Variants in NUP160 observed in about 807,000 individuals in gnomAD.
NUP160 encodes the protein nucleoporin 160.
NUP160 carries 94 observed loss-of-function variants against 196.9 expected under a neutral mutation model. The ratio of observed to expected loss-of-function variants is 0.48; its 90% confidence interval spans 0.40 to 0.57. The LOEUF (loss-of-function observed/expected upper bound fraction) is 0.57, where lower values mean the gene tolerates loss of function less well. Ranked by LOEUF, NUP160 falls within the 20% of genes least tolerant of loss-of-function variation. The pLI is 0.00. For missense variants in NUP160, 1,638 were observed against 1,748.3 expected (o/e 0.94, Z 1.13); for synonymous variants, 605 against 619.7 (o/e 0.98, Z 0.35).
At chr11:47,843,862 T>A (rs1039494841) in intron 2 of NUP160, among the ~76,000 whole-genome samples, 2 of 152,214 alleles carry the variant, frequency 1.3e-5, no homozygotes, top group African/African-American at 4.8e-5. Context: ...TTAGCCCAAC[T>A]TCTCCACTCA....
At position 47,837,018 on chromosome 11, in the gene NUP160, A is replaced by G; in HGVS notation, c.828-17T>C. On this transcript the variant is annotated splice_polypyrimidine_tract_variant and intron_variant, in intron 5 of 35. Coordinates refer to ENST00000378460, the Ensembl canonical transcript of NUP160. The stretch of plus-strand genomic sequence containing the variant: ...TGGTCACCCCTAAAACATAAGACCC[A>G]GTTTTAGAGTTTTACTGCTGCAAAG... 2 of 1,392,866 alleles carry G rather than the reference A, an allele frequency of 1.4e-6. No individual in the cohort carries two copies. Among genetic ancestry groups the G allele is most frequent in the Non-Finnish European group, 2.0e-6 (2 of 987,178 alleles). The allele number at this position is 1,392,866 out of a possible 1,614,324, so 86.3% of individuals were successfully genotyped here. A position where few individuals can be genotyped will look rare whatever the true frequency, so the allele number is the denominator to read the frequency against.
intron 19 of NUP160, 82 bp from the exon 20 acceptor site, chr11:47,806,394 G>T: frequency 1.8e-6 from 2 of 1,122,956 alleles, no homozygotes; most frequent in Non-Finnish European, 1.3e-6. Flanking sequence ...TTCATTTTAT[G>T]CTTGTAACAA....
intron 23 of NUP160, among the ~76,000 whole-genome samples, chr11:47,800,052 G>A (rs374870919): frequency 7.2e-5 from 11 of 151,850 alleles, no homozygotes; most frequent in Non-Finnish European, 2.9e-5. Flanking sequence ...CCAGGAGTTC[G>A]AGACCAGCCT....
intron 7 of NUP160, 138 bp downstream of exon 7, chr11:47,835,513 T>C: frequency 1.9e-6 from 1 of 538,738 alleles, no homozygotes; most frequent in Non-Finnish European, 3.1e-6. Context: ...ATTCACATAG[T>C]AGCACGAAAC....
At chr11:47,794,055 T>C (rs1038168889) in intron 27 of NUP160, among the ~76,000 whole-genome samples, 2 of 152,038 alleles carry the variant, frequency 1.3e-5, no homozygotes, top group African/African-American at 4.8e-5. Flanking sequence ...GGTGGTAAAA[T>C]GGTGGTTGCC....
Position 47,793,383 on chromosome 11 carries a change from C to G in NUP160, c.3290-437G>C, listed in dbSNP as rs998430643. On this transcript the variant is annotated intron_variant, in intron 27 of 35. Coordinates refer to ENST00000378460, the Ensembl canonical transcript of NUP160. Reference sequence around the variant, plus strand: ...ATTGGGTTTGATGTAACCCCTGCCCCCCCTCCCCAAAATCACATGTTGGTG... The same window carrying G: ...ATTGGGTTTGATGTAACCCCTGCCCGCCCTCCCCAAAATCACATGTTGGTG... Among the ~76,000 whole-genome samples, 3 of 152,040 alleles carry G rather than the reference C, an allele frequency of 2.0e-5. 1 individual carries two copies. The highest frequency in any genetic ancestry group is 2.0e-4 in the Admixed American group (3 of 15,254).
At chr11:47,821,863 AAAGTAG>A (rs774964651) in intron 8 of NUP160, 42 bp from the exon 9 acceptor site, 1 of 1,472,452 alleles carries the variant, frequency 6.8e-7, no homozygotes, top group East Asian at 2.3e-5. Context: ...AATAAGAAAG[AAAGTAG>A]TAGTTCACGG....
chr11:47,847,856 G>C (rs763918505), exon 2 of NUP160: 1 of 1,610,800 alleles, frequency 6.2e-7, no homozygotes, highest in South Asian at 1.1e-5. Context: ...ACCAATGAAT[G>C]AACCTGTTTC....
At chr11:47,827,103 A>T in intron 7 of NUP160, 1 of 456,222 alleles carries the variant, frequency 2.2e-6, no homozygotes, top group Non-Finnish European at 4.4e-6. Flanking sequence ...GCTGTGGTTC[A>T]CACTTGTAAT....
chr11:47,800,888 C>T (rs2135361749), intron 23 of NUP160, among the ~76,000 whole-genome samples: 1 of 152,178 alleles, frequency 6.6e-6, no homozygotes, highest in South Asian at 2.1e-4. Context: ...AATAAAAAAG[C>T]TTTTCTGCAC....
intron 17 of NUP160, among the ~76,000 whole-genome samples, chr11:47,809,242 G>A (rs1599323304): frequency 8.4e-6 from 1 of 119,478 alleles, no homozygotes; most frequent in Non-Finnish European, 1.7e-5. Flanking sequence ...CACAACAGAA[G>A]TGAGAACTTG....
chr11:47,814,545 A>G (rs2135377850), intron 13 of NUP160, among the ~76,000 whole-genome samples: 1 of 152,172 alleles, frequency 6.6e-6, no homozygotes, highest in Admixed American at 6.5e-5. Flanking sequence ...TCTCAAAAAA[A>G]AAAAAAAGAT....
exon 18 of NUP160, chr11:47,808,501 T>C: frequency 1.9e-6 from 3 of 1,613,984 alleles, no homozygotes; most frequent in Non-Finnish European, 2.5e-6. Flanking sequence ...TTGCTGAGCT[T>C]GAAAGAGCTG....
At chr11:47,795,896 A>G (rs1214494116) in intron 27 of NUP160, among the ~76,000 whole-genome samples, 4 of 152,086 alleles carry the variant, frequency 2.6e-5, no homozygotes. Context: ...TCACGGCTGT[A>G]ATTCCAGCAC....
rs754350286 is a variant in NUP160 at position 47,785,103 on chromosome 11, T to TTTTTTTTTTTTTTTTTG, written c.3849-41_3849-40insCAAAAAAAAAAAAAAAA. 181 of 1,093,698 alleles carry TTTTTTTTTTTTTTTTTG rather than the reference T, an allele frequency of 1.7e-4. 4 individuals are homozygous for TTTTTTTTTTTTTTTTTG. Among genetic ancestry groups the TTTTTTTTTTTTTTTTTG allele is most frequent in the South Asian group, 2.7e-4 (14 of 51,958 alleles). 67.7% of individuals were successfully genotyped at this position (1,093,698 alleles called of 1,614,324 possible). A position where few individuals can be genotyped will look rare whatever the true frequency, so the allele number is the denominator to read the frequency against. On this transcript the variant is annotated intron_variant, in intron 32 of 35. Coordinates refer to ENST00000378460, the Ensembl canonical transcript of NUP160. ...AAATGACTAATGAGTTTCAGATTCT[T>TTTTTTTTTTTTTTTTTG]AATAGCTATTTAGAGTACCATTCAA...
rs1261911501 is a variant in NUP160 at position 47,821,841 on chromosome 11, A to C, written c.1180-20T>G. 1 of 1,562,290 alleles carries C rather than the reference A, an allele frequency of 6.4e-7. No individual in the cohort carries two copies. The highest frequency in any genetic ancestry group is 1.1e-5 in the South Asian group (1 of 90,050). The stretch of plus-strand genomic sequence containing the variant: ...TGTCTCCTAGGAGGAAATGTGGGAA[A>C]AAAAGGGATAAAATAAGAAAGAAAG... On this transcript the variant is annotated intron_variant, in intron 8 of 35. Transcript: ENST00000378460.
chr11:47,803,542 A>G lies in NUP160; in HGVS notation c.2677-6T>C. ...TGTAGCAGTTGAATATAATCCTTAAAGGCATAAAAGGTGCTTTCTGATTAG... is the reference window on the plus strand; with the variant it reads ...TGTAGCAGTTGAATATAATCCTTAAGGGCATAAAAGGTGCTTTCTGATTAG... On this transcript the variant is annotated splice_polypyrimidine_tract_variant and splice_region_variant and intron_variant, in intron 21 of 35. Coordinates refer to ENST00000378460, the Ensembl canonical transcript of NUP160. 1 of 1,492,592 alleles carries G rather than the reference A, an allele frequency of 6.7e-7. No individual in the cohort carries two copies. Among genetic ancestry groups the G allele is most frequent in the South Asian group, 1.1e-5 (1 of 88,072 alleles). 92.5% of individuals were successfully genotyped at this position (1,492,592 alleles called of 1,614,324 possible). A position where few individuals can be genotyped will look rare whatever the true frequency, so the allele number is the denominator to read the frequency against.
chr11:47,808,829 A>AGT (rs2097679279), intron 17 of NUP160, among the ~76,000 whole-genome samples: 1 of 152,052 alleles, frequency 6.6e-6, no homozygotes, highest in African/African-American at 2.4e-5. Context: ...GGCCAGGCAC[A>AGT]GTGGCTCACA....
chr11:47,780,484 A>G (rs1328706084), intron 34 of NUP160, 37 bp from the exon 35 acceptor site: 1 of 1,376,294 alleles, frequency 7.3e-7, no homozygotes, highest in African/African-American at 1.4e-5. Context: ...CAGTCTGCAA[A>G]GTGTACCATT....
Sources: gnomAD v4.1 joint callset for allele counts (sites outside exome capture counted in the v4.1 genomes callset) on GRCh38, gnomAD v4.1.1 for gene constraint, MANE v1.5 for transcripts, NCBI Gene and HGNC (gene_info 2026-07-23, HGNC 2026-07-21) for gene names.